NPAS3: variants seen among roughly 807,000 people sequenced by gnomAD.
NPAS3 encodes the protein neuronal PAS domain-containing protein 3.
NPAS3 carries 14 observed loss-of-function variants against 73.1 expected under a neutral mutation model. That is an observed-to-expected ratio of 0.19 (90% CI 0.13 to 0.30). The LOEUF (loss-of-function observed/expected upper bound fraction) is 0.30, where lower values mean the gene tolerates loss of function less well. NPAS3 is among the 10% of genes least tolerant of loss of function. NPAS3 has a pLI of 1.00. For synonymous variants in NPAS3, 620 were observed against 541.5 expected, an observed-to-expected ratio of 1.14 and a Z score of -2.01; for missense variants, 1,096 against 1,250.0, an observed-to-expected ratio of 0.88 and a Z score of 1.86.
intron 2 of NPAS3, among the ~76,000 whole-genome samples, chr14:33,132,402 T>C (rs941393938): frequency 6.6e-6 from 1 of 152,096 alleles, no homozygotes; most frequent in African/African-American, 2.4e-5. Flanking sequence ...TCTGTGTACT[T>C]GTAGGAAGAG....
chr14:33,794,106 G>T, intron 10 of NPAS3, 62 bp downstream of exon 10: 3 of 1,459,634 alleles, frequency 2.1e-6, no homozygotes, highest in Non-Finnish European at 2.8e-6. Context: ...ATAAAATATG[G>T]CTATGGTTAA....
chr14:33,205,868 T>C (rs2046801559), intron 2 of NPAS3, among the ~76,000 whole-genome samples: 1 of 152,212 alleles, frequency 6.6e-6, no homozygotes, highest in African/African-American at 2.4e-5. Context: ...TTCTTCCACT[T>C]AGTTGTGTTT....
At chr14:33,183,287 A>G (rs1336366252) in intron 2 of NPAS3, among the ~76,000 whole-genome samples, 1 of 151,932 alleles carries the variant, frequency 6.6e-6, no homozygotes, top group Non-Finnish European at 1.5e-5. Context: ...TTAACTGGGC[A>G]TGGTGGTGGG....
At chr14:33,607,860 C>T (rs1377801166) in intron 5 of NPAS3, among the ~76,000 whole-genome samples, 3 of 152,136 alleles carry the variant, frequency 2.0e-5, no homozygotes, top group African/African-American at 7.2e-5. Flanking sequence ...CTTCACGTGG[C>T]AGCTGCAAGA....
At chr14:33,005,545 C>T (rs760620579) in intron 1 of NPAS3, among the ~76,000 whole-genome samples, 5 of 152,050 alleles carry the variant, frequency 3.3e-5, no homozygotes, top group African/African-American at 7.2e-5. Context: ...GAACCCCAAG[C>T]GGACGACATT....
intron 6 of NPAS3, chr14:33,680,610 C>A (rs2059908093): frequency 1.4e-6 from 1 of 702,618 alleles, no homozygotes; most frequent in African/African-American, 1.7e-5. Flanking sequence ...CAGTGGTTTG[C>A]TTCCCACCAG....
intron 4 of NPAS3, among the ~76,000 whole-genome samples, chr14:33,433,465 A>G (rs1027945867): frequency 5.9e-5 from 9 of 152,168 alleles, no homozygotes; most frequent in African/African-American, 2.2e-4. Flanking sequence ...CAGTCTCAGA[A>G]AGTTGTGGTA....
intron 5 of NPAS3, among the ~76,000 whole-genome samples, chr14:33,644,569 G>T (rs368517177): frequency 4.6e-5 from 7 of 152,262 alleles, no homozygotes; most frequent in African/African-American, 1.7e-4. Context: ...GGTAGGTTTA[G>T]GAGAGGTAGT....
intron 4 of NPAS3, among the ~76,000 whole-genome samples, chr14:33,448,297 T>C (rs1485632244): frequency 6.6e-6 from 1 of 152,070 alleles, no homozygotes; most frequent in African/African-American, 2.4e-5. Flanking sequence ...AAGAAGAAAA[T>C]TCAGGGCCCA....
intron 4 of NPAS3, among the ~76,000 whole-genome samples, chr14:33,541,995 C>G (rs7148712): frequency 0.011 from 1,701 of 152,260 alleles, 31 homozygotes; most frequent in African/African-American, 0.038. Context: ...AGACAGTGCC[C>G]TTTGTAGTAG....
intron 7 of NPAS3, among the ~76,000 whole-genome samples, chr14:33,755,060 C>T (rs1030502660): frequency 2.6e-5 from 4 of 152,118 alleles, no homozygotes; most frequent in Non-Finnish European, 5.9e-5. Flanking sequence ...GGTTTTAGTC[C>T]TCGTTTTGCC....
At chr14:33,282,903 A>G (rs2041687654) in intron 3 of NPAS3, among the ~76,000 whole-genome samples, 1 of 152,172 alleles carries the variant, frequency 6.6e-6, no homozygotes, top group South Asian at 2.1e-4. Flanking sequence ...TTTAAAGTGG[A>G]TGCCTTGATT....
intron 2 of NPAS3, among the ~76,000 whole-genome samples, chr14:33,067,865 A>G (rs1212258288): frequency 6.6e-6 from 1 of 152,164 alleles, no homozygotes; most frequent in African/African-American, 2.4e-5. Flanking sequence ...ATCTTCATTT[A>G]TATAGTAATT....
rs1032339100 is a variant in NPAS3, at chr14:33,113,258, T to C, written c.140+57264T>C. ...CATTGAATCTATAAATTATCTTGGG[T>C]AGTATGGCCATTTTCATGATATTGA... is the stretch of plus-strand genomic sequence containing the variant. On this transcript the variant is annotated intron_variant, in intron 2 of 11. Coordinates refer to ENST00000356141, the Ensembl canonical transcript of NPAS3. Among the ~76,000 whole-genome samples the C allele has an allele frequency of 3.0e-3, 452 of 152,180 alleles. 1 individual carries two copies. Among genetic ancestry groups the C allele is most frequent in the African/African-American group, 9.8e-3 (406 of 41,522 alleles).
chr14:33,128,723 CA>C (rs1301893272), intron 2 of NPAS3, among the ~76,000 whole-genome samples: 2 of 152,018 alleles, frequency 1.3e-5, no homozygotes, highest in Non-Finnish European at 2.9e-5. Context: ...TGAAATGAAC[CA>C]ATGAATGAAT....
chr14:33,530,927 C>T (rs567540455), intron 4 of NPAS3, among the ~76,000 whole-genome samples: 76 of 152,076 alleles, frequency 5.0e-4, no homozygotes, highest in Non-Finnish European at 7.7e-4. Context: ...TGAGGAACTG[C>T]ACATGGTTTC....
intron 6 of NPAS3, among the ~76,000 whole-genome samples, chr14:33,721,483 A>G (rs1172754823): frequency 6.6e-6 from 1 of 152,090 alleles, no homozygotes; most frequent in African/African-American, 2.4e-5. Flanking sequence ...TAATTTTAAC[A>G]CCCCAAAAAA....
At chr14:33,764,606 C>T (rs2062401299) in intron 7 of NPAS3, among the ~76,000 whole-genome samples, 1 of 151,972 alleles carries the variant, frequency 6.6e-6, no homozygotes, top group Non-Finnish European at 1.5e-5. Flanking sequence ...TTTTATATAA[C>T]GTTGTTGGAA....
chr14:33,665,938 T>C (rs2059439036), intron 5 of NPAS3, among the ~76,000 whole-genome samples: 1 of 152,038 alleles, frequency 6.6e-6, no homozygotes, highest in Non-Finnish European at 1.5e-5. Flanking sequence ...AAATCATGGG[T>C]CCAGAGCTTA....
Sources: gnomAD v4.1 joint callset for allele counts (sites outside exome capture counted in the v4.1 genomes callset) on GRCh38, gnomAD v4.1.1 for gene constraint, MANE v1.5 for transcripts, NCBI Gene and HGNC (gene_info 2026-07-23, HGNC 2026-07-21) for gene names.